FMN1: variants seen among roughly 807,000 people sequenced by gnomAD.
FMN1 encodes the protein formin 1, also known as formin-1.
A neutral mutation model predicts 132.4 loss-of-function variants in FMN1; 110 were observed. The observed-to-expected ratio is 0.83, with a 90% confidence interval of 0.71 to 0.97. FMN1 has a LOEUF of 0.97. Ranked by LOEUF, FMN1 falls within the 50% of genes least tolerant of loss-of-function variation. FMN1 has a pLI of 0.00. For synonymous variants in FMN1, 722 were observed against 651.7 expected, an observed-to-expected ratio of 1.11 and a Z score of -1.64; for missense variants, 1,792 against 1,705.3, an observed-to-expected ratio of 1.05 and a Z score of -0.90.
chr15:32,841,466 T>A (rs1312961887), intron 17 of FMN1, among the ~76,000 whole-genome samples: 2 of 152,190 alleles, frequency 1.3e-5, no homozygotes, highest in Non-Finnish European at 2.9e-5. Context: ...ATAAACTAAT[T>A]GAAAAAAATA....
Position 32,841,593 on chromosome 15 carries a change from A to G in FMN1, c.3928+15422T>C, listed in dbSNP as rs1055335377. On this transcript the variant is annotated intron_variant, in intron 17 of 20. Transcript: ENST00000616417. ...TGGGACTTTATATTAAAGTCCTAGGAAATATATTCTGGCTGATGTGATGGT... is the reference window on the plus strand; with the variant it reads ...TGGGACTTTATATTAAAGTCCTAGGGAATATATTCTGGCTGATGTGATGGT... Among the ~76,000 whole-genome samples the G allele has an allele frequency of 2.0e-5, 3 of 152,188 alleles. No homozygotes were observed. The South Asian group carries it at 6.2e-4, about 32-fold the overall frequency.
intron 10 of FMN1, among the ~76,000 whole-genome samples, chr15:32,924,192 A>G (rs992860627): frequency 1.3e-5 from 2 of 152,148 alleles, no homozygotes; most frequent in Non-Finnish European, 2.9e-5. Context: ...TCTAATTTCA[A>G]TGACAGGCCT....
chr15:33,153,098 C>A lies in FMN1; in HGVS notation c.1817G>T (p.Ser606Ile), dbSNP rs1964512916. Reference protein sequence around the residue: ...RLVPGETLEKSLGPGKTTAEP... With the variant: ...RLVPGETLEKILGPGKTTAEP... ...AGCTGTGGTCTTCCCTGGCCCCAAG[C>A]TCTTTTCCAAAGTTTCCCCAGGCAC... Residue 606 changes from serine (S) to isoleucine (I), a missense_variant, in exon 4 of 21, where the codon AGC becomes ATC. Ser to Ile is a moderately radical substitution (Grantham distance 142). This residue lies in a region of FMN1 where 1,150 missense variants were observed against 1,043.1 expected (regional missense o/e 1.10). Transcript: ENST00000616417. The A allele has an allele frequency of 1.0e-5, 16 of 1,535,682 alleles. No homozygotes were observed. Among genetic ancestry groups the A allele is most frequent in the African/African-American group, 4.1e-5 (3 of 73,018 alleles).
intron 4 of FMN1, among the ~76,000 whole-genome samples, chr15:33,115,522 A>G (rs1027036989): frequency 6.9e-6 from 1 of 144,154 alleles, no homozygotes; most frequent in Non-Finnish European, 1.5e-5. Flanking sequence ...ACGCACACAC[A>G]CAAACTTGCT....
chr15:33,025,480 T>C (rs954114879), intron 6 of FMN1, among the ~76,000 whole-genome samples: 1 of 152,156 alleles, frequency 6.6e-6, no homozygotes, highest in Admixed American at 6.5e-5. Context: ...ACACAGGCCA[T>C]GCAAAAGTAA....
At chr15:33,033,995 T>C (rs2036073068) in intron 6 of FMN1, among the ~76,000 whole-genome samples, 1 of 152,152 alleles carries the variant, frequency 6.6e-6, no homozygotes, top group African/African-American at 2.4e-5. Context: ...TCTCTTTCTG[T>C]TGCAGGTCCC....
intron 6 of FMN1, among the ~76,000 whole-genome samples, chr15:33,044,067 C>T (rs1307566465): frequency 1.3e-5 from 2 of 152,174 alleles, no homozygotes; most frequent in Non-Finnish European, 2.9e-5. Context: ...CAAGCCCAGG[C>T]ATTGTCATAA....
At chr15:33,065,887 CTTTG>C (rs913111319) in intron 5 of FMN1, among the ~76,000 whole-genome samples, 6 of 152,110 alleles carry the variant, frequency 3.9e-5, no homozygotes, top group East Asian at 1.9e-4. Context: ...CATGCACTGC[CTTTG>C]TTTAATTCTC....
rs555279693 is a variant in FMN1, at chr15:33,043,506, A to C, written c.2161+21451T>G. Among the ~76,000 whole-genome samples, 5 of 152,260 alleles carry C rather than the reference A, an allele frequency of 3.3e-5. 1 individual carries two copies. Among genetic ancestry groups the C allele is most frequent in the African/African-American group, 1.2e-4 (5 of 41,552 alleles). On this transcript the variant is annotated intron_variant, in intron 6 of 20. Transcript: ENST00000616417. Reference sequence around the variant, plus strand: ...ATGTGGCTGCGCAAGAATCTCTCTAAATCTGCTGTGATTCTGGGGACTCCC... The same window carrying C: ...ATGTGGCTGCGCAAGAATCTCTCTACATCTGCTGTGATTCTGGGGACTCCC...
chr15:32,845,572 G>A (rs1042355798), intron 17 of FMN1, among the ~76,000 whole-genome samples: 4 of 152,144 alleles, frequency 2.6e-5, no homozygotes, highest in African/African-American at 9.7e-5. Flanking sequence ...TAACAACGCT[G>A]GGATTGAGCT....
intron 3 of FMN1, among the ~76,000 whole-genome samples, chr15:33,165,734 C>T (rs1470566185): frequency 2.6e-5 from 4 of 151,902 alleles, no homozygotes; most frequent in Non-Finnish European, 4.4e-5. Flanking sequence ...CGATTGTAAC[C>T]CCATTTTATA....
chr15:33,053,137 A>T (rs953145242), intron 6 of FMN1, among the ~76,000 whole-genome samples: 1 of 152,200 alleles, frequency 6.6e-6, no homozygotes, highest in Non-Finnish European at 1.5e-5. Flanking sequence ...CACTGAGTGC[A>T]GGTACTCTGA....
At chr15:32,794,568 C>CAA (rs201417814) in intron 19 of FMN1, among the ~76,000 whole-genome samples, 1 of 142,814 alleles carries the variant, frequency 7.0e-6, no homozygotes, top group Admixed American at 7.0e-5. Context: ...ATTCAGCAGC[C>CAA]AAAAAAAATA....
intron 8 of FMN1, among the ~76,000 whole-genome samples, chr15:32,966,227 A>C (rs2140627990): frequency 6.6e-6 from 1 of 152,126 alleles, no homozygotes; most frequent in African/African-American, 2.4e-5. Context: ...ATTATAATTC[A>C]CTTATATTCT....
intron 6 of FMN1, among the ~76,000 whole-genome samples, chr15:33,009,833 T>C (rs2034612302): frequency 6.6e-6 from 1 of 152,208 alleles, no homozygotes; most frequent in Non-Finnish European, 1.5e-5. Flanking sequence ...GTCCATATGA[T>C]GGAATACTAC....
chr15:32,924,751 C>T (rs997026331), intron 10 of FMN1, among the ~76,000 whole-genome samples: 2 of 152,168 alleles, frequency 1.3e-5, no homozygotes, highest in South Asian at 4.1e-4. Flanking sequence ...GAAGCCCCAT[C>T]TCTACTTAAA....
Position 33,082,044 on chromosome 15 carries a change from TGTGTGTGTG to T in FMN1, c.2043+6746_2043+6754del, listed in dbSNP as rs2038490615. On this transcript the variant is annotated intron_variant, in intron 5 of 20. Transcript: ENST00000616417. The stretch of plus-strand genomic sequence containing the variant: ...GGGTGTGTGTGTGTGTGTGTGTGTG[TGTGTGTGTG>T]TAAGACGGAGTCTCGCTTTGTCACC... Among the ~76,000 whole-genome samples, 5 of 139,766 alleles carry T rather than the reference TGTGTGTGTG, an allele frequency of 3.6e-5. No homozygotes were observed. The South Asian group carries it at 6.8e-4, about 19-fold the overall frequency. 91.7% of individuals were successfully genotyped at this position (139,766 alleles called of 152,430 possible). A position where few individuals can be genotyped will look rare whatever the true frequency, so the allele number is the denominator to read the frequency against.
intron 5 of FMN1, among the ~76,000 whole-genome samples, chr15:33,084,695 G>C (rs148629584): frequency 3.8e-4 from 58 of 152,192 alleles, no homozygotes; most frequent in African/African-American, 1.2e-3. Context: ...CCTAGTGCTT[G>C]TCCTACACCA....
At chr15:33,117,717 C>T (rs904161289) in intron 4 of FMN1, among the ~76,000 whole-genome samples, 1 of 152,110 alleles carries the variant, frequency 6.6e-6, no homozygotes, top group South Asian at 2.1e-4. Flanking sequence ...TAACTATTAT[C>T]TAGCAAACAA....
Sources: gnomAD v4.1 joint callset for allele counts (sites outside exome capture counted in the v4.1 genomes callset) on GRCh38, gnomAD v4.1.1 for gene constraint, gnomAD v4.1.1 regional missense constraint, MANE v1.5 for transcripts, NCBI Gene and HGNC (gene_info 2026-07-23, HGNC 2026-07-21) for gene names.